The following NBPF14 variants were observed in gnomAD, a reference collection of about 807,000 sequenced individuals.
The protein encoded by NBPF14 is NBPF family member NBPF14.
NBPF14 carries 104 observed loss-of-function variants against 91.2 expected under a neutral mutation model. The observed-to-expected ratio is 1.14, with a 90% confidence interval of 0.97 to 1.34. NBPF14 has a LOEUF of 1.34. Ranked by LOEUF, NBPF14 falls within the 40% of genes most tolerant of loss-of-function variation. The pLI, the probability that NBPF14 is intolerant of heterozygous loss-of-function variation, is 0.00. For missense variants in NBPF14, 908 were observed against 783.0 expected (o/e 1.16, Z -1.91); for synonymous variants, 294 against 303.8 (o/e 0.97, Z 0.34).
rs1172548714 is a variant in NBPF14, at chr1:148,593,509, A to G, written c.278+89T>C. 7.7e-6 allele frequency: 6 copies of G among 776,446 alleles called. No homozygotes were observed. In the African/African-American group the frequency reaches 8.6e-5, roughly 11 times the overall value. 48.1% of individuals were successfully genotyped at this position (776,446 alleles called of 1,614,324 possible). On this transcript the variant is annotated intron_variant, in intron 3 of 70. Coordinates refer to ENST00000619423, the Ensembl canonical transcript of NBPF14. Reference sequence around the variant, plus strand: ...GCAATTTCTGCCCTTCCCCTGGCCCAGCTTCGTTCTTACTTCTCCCCGCCG... The same window carrying G: ...GCAATTTCTGCCCTTCCCCTGGCCCGGCTTCGTTCTTACTTCTCCCCGCCG...
intron 36 of NBPF14, 44 bp from the exon 37 acceptor site, chr1:148,560,009 G>A (rs1657441826): frequency 1.0e-5 from 8 of 777,860 alleles, no homozygotes; most frequent in South Asian, 4.3e-5. Flanking sequence ...GGGGGAATCA[G>A]AAACCACACA....
exon 71 of NBPF14, chr1:148,532,347 T>C (rs1237054992): frequency 6.3e-6 from 1 of 157,708 alleles, no homozygotes; most frequent in Non-Finnish European, 1.4e-5. Context: ...TCCTGACTCC[T>C]GACCTCTACA....
At chr1:148,560,175 C>A (rs1256491310) in intron 36 of NBPF14, among the ~76,000 whole-genome samples, 735 of 148,656 alleles carry the variant, frequency 4.9e-3, no homozygotes, top group Admixed American at 0.032. Flanking sequence ...GAGACAGAGA[C>A]AGAGACAGAG....
chr1:148,534,336 G>C (rs1468260190), intron 69 of NBPF14, among the ~76,000 whole-genome samples: 1 of 151,798 alleles, frequency 6.6e-6, no homozygotes, highest in East Asian at 1.9e-4. Flanking sequence ...GTTCATGGTA[G>C]TGAGGACTCC....
In NBPF14 at chr1:148,590,040, C is replaced by CA. The variant is rs1553337686; in HGVS notation, c.779-648_779-647insT. ...GCCAGCGCCCCTGGTCAGAGACTTA[C>CA]TTTTTTTTTTTTTTTTTTTTTTTTT... On this transcript the variant is annotated intron_variant, in intron 6 of 70. Transcript: ENST00000619423. Among the ~76,000 whole-genome samples, 56 of 76,334 alleles carry CA rather than the reference C, an allele frequency of 7.3e-4. 1 individual carries two copies. The highest frequency in any genetic ancestry group is 0.011 in the Middle Eastern group (1 of 90). The allele number at this position is 76,334 out of a possible 152,430, so 50.1% of individuals were successfully genotyped here.
At chr1:148,595,147 C>A (rs1663104673) in intron 2 of NBPF14, among the ~76,000 whole-genome samples, 1 of 145,666 alleles carries the variant, frequency 6.9e-6, no homozygotes, top group Non-Finnish European at 1.5e-5. Flanking sequence ...TGGGCCTCAA[C>A]AGAAACTTGA....
chr1:148,539,440 G>A lies in NBPF14; in HGVS notation c.7852C>T (p.Gln2618Ter). Residue 2618 changes from glutamine (Q) to a stop codon, truncating the protein, a stop_gained, in exon 63 of 71, where the codon CAG becomes TAG. Coordinates refer to ENST00000619423, the Ensembl canonical transcript of NBPF14. LOFTEE classifies it high-confidence loss of function. ...ACGTCAAGAGCCAAGCCAAGGTACTGTTCCTCCAATGAGTAAACAGCACTG... is the reference window on the plus strand; with the variant it reads ...ACGTCAAGAGCCAAGCCAAGGTACTATTCCTCCAATGAGTAAACAGCACTG... 3 of 313,128 alleles carry A rather than the reference G, an allele frequency of 9.6e-6. 1 individual carries two copies. The highest frequency in any genetic ancestry group is 4.3e-5 in the Admixed American group (1 of 23,008). 19.4% of individuals were successfully genotyped at this position (313,128 alleles called of 1,614,324 possible). A position where few individuals can be genotyped will look rare whatever the true frequency, so the allele number is the denominator to read the frequency against.
Position 148,533,876 on chromosome 1 carries a change from T to G in NBPF14, c.8708A>C (p.Asn2903Thr), listed in dbSNP as rs782060306. ...TGAAAGTCACCTGGGGCATGGTGGG[T>G]TTTGATCTTCTTCCCCTTCTTTTCT... The change falls in exon 70 of 71, where the codon AAC becomes ACC. Residue 2903 changes from asparagine to threonine, a missense_variant. By Grantham distance (65) the Asn-to-Thr change is moderately conservative. Transcript: ENST00000619423. 5 of 763,208 alleles carry G rather than the reference T, an allele frequency of 6.6e-6. No individual in the cohort carries two copies. In the South Asian group the frequency reaches 6.7e-5, roughly 10 times the overall value. 47.3% of individuals were successfully genotyped at this position (763,208 alleles called of 1,614,324 possible). A position where few individuals can be genotyped will look rare whatever the true frequency, so the allele number is the denominator to read the frequency against.
chr1:148,533,775 T>C lies in NBPF14; in HGVS notation c.8723+86A>G, dbSNP rs1487356028. On this transcript the variant is annotated intron_variant, in intron 70 of 70. Transcript: ENST00000619423. ...AGTAATTCAGCCTTTGTTGAAAATA[T>C]GACATCAAACACACTCTGGTTTCCC... The C allele has an allele frequency of 2.4e-4, 186 of 763,160 alleles. 5 individuals are homozygous for C. Among genetic ancestry groups the C allele is most frequent in the Middle Eastern group, 1.1e-3 (3 of 2,788 alleles). The allele number at this position is 763,160 out of a possible 1,614,324, so 47.3% of individuals were successfully genotyped here. A position where few individuals can be genotyped will look rare whatever the true frequency, so the allele number is the denominator to read the frequency against.
chr1:148,588,641 C>A (rs1435809784), intron 7 of NBPF14, among the ~76,000 whole-genome samples: 2 of 151,932 alleles, frequency 1.3e-5, no homozygotes, highest in African/African-American at 2.4e-5. Flanking sequence ...ACGGCCCCTA[C>A]TCCCTGCTCT....
rs1207733696 is a variant in NBPF14 at position 148,566,213 on chromosome 1, G to C, written c.3645C>G (p.Ser1215=). Reference sequence around the variant, plus strand: ...AAAAGGAACTTCCATAGGGCTGGCAGGAGTCAGGCTGTTCAAGACAACTGG... The same window carrying C: ...AAAAGGAACTTCCATAGGGCTGGCACGAGTCAGGCTGTTCAAGACAACTGG... Residue 1215 remains serine, a synonymous_variant, in exon 29 of 71, where the codon TCC becomes TCG. Transcript: ENST00000619423. 2.6e-5 allele frequency: 15 copies of C among 581,388 alleles called. 3 individuals are homozygous for C. In the East Asian group the frequency reaches 4.9e-4, roughly 19 times the overall value. 36.0% of individuals were successfully genotyped at this position (581,388 alleles called of 1,614,324 possible). A position where few individuals can be genotyped will look rare whatever the true frequency, so the allele number is the denominator to read the frequency against.
chr1:148,550,773 T>G (rs1656187433), intron 48 of NBPF14, among the ~76,000 whole-genome samples: 1 of 105,664 alleles, frequency 9.5e-6, no homozygotes, highest in Non-Finnish European at 1.8e-5. Flanking sequence ...AGAGAGAAAG[T>G]GACCTAGTGA....
Position 148,577,543 on chromosome 1 carries a change from G to GACACAC in NBPF14, c.1854-194_1854-189dup, listed in dbSNP as rs1184575767. Among the ~76,000 whole-genome samples, 619 of 141,208 alleles carry GACACAC rather than the reference G, an allele frequency of 4.4e-3. 3 individuals are homozygous for GACACAC. Among genetic ancestry groups the GACACAC allele is most frequent in the African/African-American group, 0.016 (569 of 36,380 alleles). The allele number at this position is 141,208 out of a possible 152,430, so 92.6% of individuals were successfully genotyped here. On this transcript the variant is annotated intron_variant, in intron 14 of 70. Coordinates refer to ENST00000619423, the Ensembl canonical transcript of NBPF14. The stretch of plus-strand genomic sequence containing the variant: ...CAGGTAGAAAAGGATGAACGAGAAA[G>GACACAC]ACACACACACACACACACACACACA...
intron 12 of NBPF14, among the ~76,000 whole-genome samples, chr1:148,580,899 G>C (rs1476121082): frequency 0.032 from 3,317 of 102,558 alleles, 476 homozygotes; most frequent in African/African-American, 0.13. Flanking sequence ...GGGTACATGT[G>C]CACAACGTGC....
At chr1:148,542,189 C>T (rs1186499668) in intron 59 of NBPF14, among the ~76,000 whole-genome samples, 6 of 91,710 alleles carry the variant, frequency 6.5e-5, no homozygotes, top group Non-Finnish European at 9.3e-5. Context: ...TCAACAAATA[C>T]GCAGATTGTT....
exon 21 of NBPF14, chr1:148,572,515 A>C (rs1659253549): frequency 1.6e-6 from 1 of 610,902 alleles, no homozygotes; most frequent in Admixed American, 2.3e-5. Context: ...GGCTGGCCTA[A>C]GTCAGGCAGT....
At position 148,542,676 on chromosome 1, in the gene NBPF14, G is replaced by C; in HGVS notation, c.7253C>G (p.Ser2418Ter). 1 of 39,784 alleles carries C rather than the reference G, an allele frequency of 2.5e-5. No homozygotes were observed. Among genetic ancestry groups the C allele is most frequent in the Admixed American group, 3.4e-4 (1 of 2,978 alleles). 2.5% of individuals were successfully genotyped at this position (39,784 alleles called of 1,614,324 possible). Reference sequence around the variant, plus strand: ...AGGAGTTGAATAACATCTATCCAGTGAGTCCTGCAAGACTTCAGGCTCTAC... The same window carrying C: ...AGGAGTTGAATAACATCTATCCAGTCAGTCCTGCAAGACTTCAGGCTCTAC... Residue 2418 changes from serine to a stop codon, truncating the protein, a stop_gained, in exon 59 of 71, where the codon TCA becomes TGA. Transcript: ENST00000619423. LOFTEE classifies it high-confidence loss of function.
chr1:148,587,318 C>A, exon 8 of NBPF14: 2 of 1,581,512 alleles, frequency 1.3e-6, no homozygotes, highest in East Asian at 2.2e-5. Flanking sequence ...CCTCAGCTTG[C>A]TTCAGCTGCT....
chr1:148,586,880 T>C (rs1446496670), intron 8 of NBPF14, among the ~76,000 whole-genome samples: 6 of 136,880 alleles, frequency 4.4e-5, no homozygotes, highest in Non-Finnish European at 8.1e-5. Context: ...ATTGAAAAGA[T>C]GAAAGAAGAA....
Sources: allele counts gnomAD v4.1 joint callset (sites outside exome capture counted in the v4.1 genomes callset), GRCh38; gene constraint gnomAD v4.1.1; transcripts MANE v1.5; gene names NCBI Gene and HGNC (gene_info 2026-07-23, HGNC 2026-07-21).